PGAP1: variants seen among roughly 807,000 people sequenced by gnomAD.
PGAP1 encodes GPI inositol-deacylase.
PGAP1 carries 76 observed loss-of-function variants against 127.0 expected under a neutral mutation model. The ratio of observed to expected loss-of-function variants is 0.60; its 90% CI spans 0.50 to 0.72. The LOEUF (loss-of-function observed/expected upper bound fraction) is 0.72. Among genes scored for constraint, PGAP1 ranks in the 30% least tolerant of loss-of-function variants. PGAP1 has a pLI of 0.00. For missense variants in PGAP1, 982 were observed against 1,071.3 expected, an observed-to-expected ratio of 0.92 and a Z score of 1.16; for synonymous variants, 362 against 366.5, an observed-to-expected ratio of 0.99 and a Z score of 0.14.
Position 196,840,617 on chromosome 2 carries a change from T to A in PGAP1, c.*617A>T, listed in dbSNP as rs1297414158. 1 of 152,006 alleles carries A rather than the reference T, an allele frequency of 6.6e-6. No individual in the cohort carries two copies. The highest frequency in any genetic ancestry group is 1.5e-5 in the Non-Finnish European group (1 of 68,002). The allele number at this position is 152,006 out of a possible 1,614,324, so 9.4% of individuals were successfully genotyped here. A position where few individuals can be genotyped will look rare whatever the true frequency, so the allele number is the denominator to read the frequency against. ...TTTGAATCATGTTTCCACCCATCAA[T>A]CTTGCATTGGTTACCAAGAAAACAT... On this transcript the variant is annotated 3_prime_UTR_variant, in exon 27 of 27. Coordinates refer to ENST00000354764, the MANE Select transcript of PGAP1 (RefSeq NM_024989.4).
At chr2:196,871,791 G>GT (rs1701419078) in intron 18 of PGAP1, among the ~76,000 whole-genome samples, 1 of 152,252 alleles carries the variant, frequency 6.6e-6, no homozygotes, top group East Asian at 1.9e-4. Flanking sequence ...GTTTAAAGCA[G>GT]TTGAGCAGAA....
chr2:196,918,660 A>T (rs1294276794), intron 2 of PGAP1, among the ~76,000 whole-genome samples: 3 of 152,188 alleles, frequency 2.0e-5, no homozygotes, highest in Admixed American at 6.5e-5. Flanking sequence ...CTACAAAGAA[A>T]GTTAAGGAAA....
intron 3 of PGAP1, among the ~76,000 whole-genome samples, chr2:196,914,797 T>A (rs1317229067): frequency 1.3e-5 from 2 of 151,512 alleles, no homozygotes; most frequent in African/African-American, 2.4e-5. Flanking sequence ...AGGAATCCAA[T>A]AGTCAATTCT....
chr2:196,885,442 T>G lies in PGAP1; in HGVS notation c.1254A>C (p.Glu418Asp). 2 of 1,603,710 alleles carry G rather than the reference T, an allele frequency of 1.2e-6. No individual in the cohort carries two copies. Among genetic ancestry groups the G allele is most frequent in the Non-Finnish European group, 1.7e-6 (2 of 1,174,674 alleles). The part of the protein sequence containing the change: ...LQGVDLSWKA[E>D]LLPTIKYLTL... Reference sequence around the variant, plus strand: ...AATTTACCTTAATTGTTGGCAGCAGTTCAGCTTTCCATGATAAATCAACCC... The same window carrying G: ...AATTTACCTTAATTGTTGGCAGCAGGTCAGCTTTCCATGATAAATCAACCC... Residue 418 changes from glutamate (E) to aspartate (D), a missense_variant, in exon 12 of 27, where the codon GAA becomes GAC. Transcript: ENST00000354764.
intron 9 of PGAP1, among the ~76,000 whole-genome samples, chr2:196,891,994 G>A (rs1259836758): frequency 2.0e-5 from 3 of 151,894 alleles, no homozygotes; most frequent in African/African-American, 7.3e-5. Flanking sequence ...TGAAACTCTA[G>A]AGGACAAATG....
At chr2:196,904,657 G>A (rs1240380644) in intron 4 of PGAP1, among the ~76,000 whole-genome samples, 1 of 152,168 alleles carries the variant, frequency 6.6e-6, no homozygotes, top group Non-Finnish European at 1.5e-5. Context: ...GAACCCAGGA[G>A]GCGGAGGTTG....
rs543996140 is a variant in PGAP1, at chr2:196,918,338, G to C, written c.301+1659C>G. Among the ~76,000 whole-genome samples the C allele has an allele frequency of 3.9e-5, 6 of 152,124 alleles. No individual in the cohort carries two copies. The East Asian group carries it at 1.2e-3, about 29-fold the overall frequency. On this transcript the variant is annotated intron_variant, in intron 2 of 26. Coordinates refer to ENST00000354764, the MANE Select transcript of PGAP1 (RefSeq NM_024989.4). ...CCTGTAACATGGAATTACACTCTTG[G>C]GTATCTAGCTTACAGAAGCACAGGT...
chr2:196,919,964 T>C (rs780989230), intron 2 of PGAP1, 33 bp downstream of exon 2: 6 of 1,579,946 alleles, frequency 3.8e-6, no homozygotes, highest in South Asian at 3.5e-5. Flanking sequence ...TTGAATTTTA[T>C]AGCTTTCAAA....
rs557406146 is a variant in PGAP1 at position 196,872,370 on chromosome 2, C to T, written c.1728+71G>A. The T allele has an allele frequency of 3.8e-6, 4 of 1,053,694 alleles. No individual in the cohort carries two copies. In the South Asian group the frequency reaches 6.0e-5, roughly 16 times the overall value. The allele number at this position is 1,053,694 out of a possible 1,614,324, so 65.3% of individuals were successfully genotyped here. A position where few individuals can be genotyped will look rare whatever the true frequency, so the allele number is the denominator to read the frequency against. Reference sequence around the variant, plus strand: ...CTTCCATGCCACCATATATCTGAAGCTTATATAAAAAGAACATTTCTAGCT... The same window carrying T: ...CTTCCATGCCACCATATATCTGAAGTTTATATAAAAAGAACATTTCTAGCT... On this transcript the variant is annotated intron_variant, in intron 18 of 26. Transcript: ENST00000354764.
At chr2:196,900,782 CTGGG>C (rs959296906) in intron 5 of PGAP1, among the ~76,000 whole-genome samples, 1 of 152,046 alleles carries the variant, frequency 6.6e-6, no homozygotes, top group Admixed American at 6.6e-5. Flanking sequence ...AAAAAATTAG[CTGGG>C]CATGGTGGCG....
chr2:196,913,822 G>A (rs1441360449), intron 3 of PGAP1, among the ~76,000 whole-genome samples: 3 of 152,148 alleles, frequency 2.0e-5, no homozygotes, highest in African/African-American at 4.8e-5. Flanking sequence ...TTATACTTGG[G>A]GGAGATTCTC....
chr2:196,850,714 A>G (rs1254364272), intron 20 of PGAP1, among the ~76,000 whole-genome samples: 4 of 151,140 alleles, frequency 2.6e-5, no homozygotes, highest in East Asian at 1.9e-4. Flanking sequence ...GAAGGAAGGG[A>G]GGAAGGGAGG....
intron 4 of PGAP1, among the ~76,000 whole-genome samples, chr2:196,903,793 T>C (rs948504394): frequency 2.6e-5 from 4 of 152,192 alleles, no homozygotes; most frequent in Non-Finnish European, 5.9e-5. Flanking sequence ...ACTTTGTCTA[T>C]TGAAGGTGAA....
intron 13 of PGAP1, among the ~76,000 whole-genome samples, chr2:196,876,616 G>A (rs1337632584): frequency 1.3e-5 from 2 of 151,950 alleles, no homozygotes; most frequent in African/African-American, 2.4e-5. Flanking sequence ...TTTGATCTAC[G>A]GAAGCTAAAG....
chr2:196,855,772 A>G (rs1025865408), intron 20 of PGAP1, among the ~76,000 whole-genome samples: 8 of 152,024 alleles, frequency 5.3e-5, no homozygotes, highest in African/African-American at 1.7e-4. Context: ...ATTTTTTTTT[A>G]TAAGTCCAAT....
rs1466375301 is a variant in PGAP1, at chr2:196,922,565, C to A, written c.148-2415G>T. 7.5e-6 allele frequency: 7 copies of A among 934,806 alleles called. No individual in the cohort carries two copies. The East Asian group carries it at 8.8e-4, about 117-fold the overall frequency. 57.9% of individuals were successfully genotyped at this position (934,806 alleles called of 1,614,324 possible). A position where few individuals can be genotyped will look rare whatever the true frequency, so the allele number is the denominator to read the frequency against. On this transcript the variant is annotated intron_variant, in intron 1 of 26. Transcript: ENST00000354764. ...TAATCCATAGTTCATACTGCTAACA[C>A]ACACACACACAGACACACACACACA...
At chr2:196,871,582 G>A (rs1340102195) in intron 18 of PGAP1, among the ~76,000 whole-genome samples, 3 of 151,950 alleles carry the variant, frequency 2.0e-5, no homozygotes, top group African/African-American at 7.2e-5. Flanking sequence ...AACTACTATG[G>A]CCCTGCAAAA....
intron 2 of PGAP1, among the ~76,000 whole-genome samples, chr2:196,918,940 A>G (rs1018455182): frequency 4.4e-4 from 67 of 152,176 alleles, no homozygotes; most frequent in Non-Finnish European, 7.2e-4. Flanking sequence ...TTTCTCATTC[A>G]AAGTCTTTTC....
At chr2:196,848,674 A>T (rs1700628991) in intron 20 of PGAP1, among the ~76,000 whole-genome samples, 1 of 152,050 alleles carries the variant, frequency 6.6e-6, no homozygotes, top group Admixed American at 6.6e-5. Flanking sequence ...CCATTGTATG[A>T]TTATACTACA....
Sources: allele counts gnomAD v4.1 joint callset (sites outside exome capture counted in the v4.1 genomes callset), GRCh38; gene constraint gnomAD v4.1.1; transcripts MANE v1.5; gene names NCBI Gene and HGNC (gene_info 2026-07-23, HGNC 2026-07-21).